The following DUXA variants were observed in gnomAD, a reference collection of about 807,000 sequenced individuals.
DUXA encodes double homeobox A, also known as double homeobox protein A.
In DUXA, 25 loss-of-function variants were observed where a neutral mutation model predicts 27.5. The observed-to-expected ratio is 0.91, with a 90% CI of 0.66 to 1.27. The LOEUF (loss-of-function observed/expected upper bound fraction) is 1.27, where lower values mean the gene tolerates loss of function less well. DUXA is among the 50% of genes most tolerant of loss of function. The pLI, the probability that DUXA is intolerant of heterozygous loss-of-function variation, is 0.00. For synonymous variants in DUXA, 90 were observed against 80.5 expected (o/e 1.12, Z -0.63); for missense variants, 247 against 242.9 (o/e 1.02, Z -0.11).
At chr19:57,157,350 A>G (rs767292072) in intron 4 of DUXA, among the ~76,000 whole-genome samples, 1 of 151,672 alleles carries the variant, frequency 6.6e-6, no homozygotes, top group Non-Finnish European at 1.5e-5. Context: ...TTTTTTTTTC[A>G]AGACGGAGTC....
chr19:57,154,923 C>T (rs2086984788), intron 5 of DUXA, among the ~76,000 whole-genome samples: 1 of 152,216 alleles, frequency 6.6e-6, no homozygotes, highest in African/African-American at 2.4e-5. Context: ...CCCCCGCTGC[C>T]CCTGGCAGAC....
intron 4 of DUXA, among the ~76,000 whole-genome samples, chr19:57,156,920 C>T (rs1336418476): frequency 6.6e-6 from 1 of 152,138 alleles, no homozygotes; most frequent in Non-Finnish European, 1.5e-5. Context: ...CCCGCCTTGG[C>T]CTCCCAAAGT....
At chr19:57,160,905 A>G (rs1241856862) in intron 1 of DUXA, 108 bp from the exon 2 acceptor site, 4 of 1,282,870 alleles carry the variant, frequency 3.1e-6, no homozygotes, top group African/African-American at 1.5e-5. Context: ...ACTGGAATCC[A>G]CTCCAGGAGA....
At chr19:57,166,784 C>T (rs2087057324) in intron 1 of DUXA, among the ~76,000 whole-genome samples, 1 of 152,106 alleles carries the variant, frequency 6.6e-6, no homozygotes, top group South Asian at 2.1e-4. Flanking sequence ...ATGTTAAAGC[C>T]ATCAGAATGT....
intron 1 of DUXA, 61 bp from the exon 2 acceptor site, chr19:57,160,858 G>C (rs2087017443): frequency 6.3e-7 from 1 of 1,579,026 alleles, no homozygotes; most frequent in Non-Finnish European, 8.6e-7. Flanking sequence ...TCAAACTTCA[G>C]GTTCAAGCTA....
At chr19:57,162,002 T>A (rs1426220857) in intron 1 of DUXA, among the ~76,000 whole-genome samples, 1 of 152,136 alleles carries the variant, frequency 6.6e-6, no homozygotes, top group African/African-American at 2.4e-5. Flanking sequence ...GTGATCCTCC[T>A]ACCTCAGCCT....
At chr19:57,162,839 G>T (rs1377848198) in intron 1 of DUXA, among the ~76,000 whole-genome samples, 14 of 152,154 alleles carry the variant, frequency 9.2e-5, no homozygotes, top group Non-Finnish European at 1.6e-4. Context: ...CTACCACATT[G>T]CTGGGATTAC....
rs996357443 is a variant in DUXA at position 57,154,263 on chromosome 19, C to A, written c.*149G>T. On this transcript the variant is annotated 3_prime_UTR_variant, in exon 6 of 6. Transcript: ENST00000554048. ...TTGGCCTCCCAAAGTAGTGGGATTA[C>A]AAGTGTGACCCACCACATCTGGCCA... 1.3e-5 allele frequency: 9 copies of A among 674,392 alleles called. No individual in the cohort carries two copies. Among genetic ancestry groups the A allele is most frequent in the Non-Finnish European group, 2.2e-5 (9 of 402,648 alleles). The allele number at this position is 674,392 out of a possible 1,614,324, so 41.8% of individuals were successfully genotyped here.
intron 5 of DUXA, among the ~76,000 whole-genome samples, chr19:57,154,842 C>T (rs576332966): frequency 2.0e-5 from 3 of 152,292 alleles, no homozygotes; most frequent in African/African-American, 7.2e-5. Context: ...GGATTACAGG[C>T]GTGAGCCTCC....
At chr19:57,160,053 C>A (rs2087012498) in intron 2 of DUXA, among the ~76,000 whole-genome samples, 1 of 152,100 alleles carries the variant, frequency 6.6e-6, no homozygotes, top group Admixed American at 6.5e-5. Context: ...TTCAGCAAGC[C>A]AAGATCACAC....
At chr19:57,164,402 C>T (rs34723468) in intron 1 of DUXA, among the ~76,000 whole-genome samples, 1 of 151,852 alleles carries the variant, frequency 6.6e-6, no homozygotes, top group African/African-American at 2.4e-5. Context: ...TTGGAGAAAC[C>T]CCGTCTCTAC....
At chr19:57,165,324 A>C (rs79020159) in intron 1 of DUXA, among the ~76,000 whole-genome samples, 52 of 89,270 alleles carry the variant, frequency 5.8e-4, no homozygotes, top group African/African-American at 1.9e-3. Flanking sequence ...AAAAAAAAAA[A>C]ATATATATAT....
intron 4 of DUXA, among the ~76,000 whole-genome samples, chr19:57,157,318 T>A (rs537595118): frequency 2.0e-5 from 3 of 152,218 alleles, no homozygotes; most frequent in African/African-American, 7.2e-5. Context: ...AAATGTTAAA[T>A]GTCTAAAGTG....
chr19:57,154,275 AC>A lies in DUXA; in HGVS notation c.*136del. ...AGTAGTGGGATTACAAGTGTGACCC[AC>A]CACATCTGGCCAAGTCCTTTACCAT... On this transcript the variant is annotated 3_prime_UTR_variant, in exon 6 of 6. Transcript: ENST00000554048. 1.3e-6 allele frequency: 1 copy of A among 746,838 alleles called. No homozygotes were observed. Among genetic ancestry groups the A allele is most frequent in the South Asian group, 1.8e-5 (1 of 55,884 alleles). 46.3% of individuals were successfully genotyped at this position (746,838 alleles called of 1,614,324 possible). A position where few individuals can be genotyped will look rare whatever the true frequency, so the allele number is the denominator to read the frequency against.
chr19:57,156,112 G>A (rs2086991958), intron 4 of DUXA, among the ~76,000 whole-genome samples: 1 of 152,102 alleles, frequency 6.6e-6, no homozygotes, highest in Admixed American at 6.5e-5. Context: ...CAATACCGGT[G>A]TTTCTCTAAA....
At chr19:57,160,553 C>G in intron 2 of DUXA, 90 bp downstream of exon 2, 1 of 1,468,646 alleles carries the variant, frequency 6.8e-7, no homozygotes, top group Non-Finnish European at 9.2e-7. Flanking sequence ...ACCAAGCCCT[C>G]AGCACATGGG....
intron 2 of DUXA, among the ~76,000 whole-genome samples, chr19:57,159,936 A>C (rs1274866622): frequency 6.6e-6 from 1 of 152,056 alleles, no homozygotes; most frequent in Non-Finnish European, 1.5e-5. Flanking sequence ...CTCAGTCTTT[A>C]CTAAAAATAC....
chr19:57,165,537 G>A (rs1042502243), intron 1 of DUXA, among the ~76,000 whole-genome samples: 2 of 150,364 alleles, frequency 1.3e-5, no homozygotes, highest in Admixed American at 6.6e-5. Context: ...CGGGCACGGT[G>A]GCTCACGCCT....
intron 3 of DUXA, 54 bp from the exon 4 acceptor site, chr19:57,158,527 C>G (rs1192725010): frequency 2.1e-5 from 33 of 1,590,982 alleles, no homozygotes; most frequent in Non-Finnish European, 2.8e-5. Context: ...TTGCAAGGGT[C>G]CATTCACATA....
Sources: gnomAD v4.1 joint callset for allele counts (sites outside exome capture counted in the v4.1 genomes callset) on GRCh38, gnomAD v4.1.1 for gene constraint, MANE v1.5 for transcripts, NCBI Gene and HGNC (gene_info 2026-07-23, HGNC 2026-07-21) for gene names.